Variants in NLGN1 observed in about 807,000 individuals in gnomAD.
NLGN1 encodes the protein neuroligin 1, also known as neuroligin-1.
A neutral mutation model predicts 65.5 loss-of-function variants in NLGN1; 12 were observed. The ratio of observed to expected loss-of-function variants is 0.18; its 90% CI spans 0.12 to 0.30. The LOEUF (loss-of-function observed/expected upper bound fraction) is 0.30. NLGN1 is among the 10% of genes least tolerant of loss of function. The pLI, the probability that NLGN1 is intolerant of heterozygous loss-of-function variation, is 1.00. For missense variants in NLGN1, 750 were observed against 1,007.1 expected (o/e 0.74, Z 3.46); for synonymous variants, 350 against 359.5 (o/e 0.97, Z 0.30).
At chr3:173,590,938 A>C (rs1380534651) in intron 2 of NLGN1, among the ~76,000 whole-genome samples, 1 of 152,172 alleles carries the variant, frequency 6.6e-6, no homozygotes, top group Non-Finnish European at 1.5e-5. Context: ...CTGAAGGTAC[A>C]TTAGAGCTAT....
chr3:173,410,766 T>C (rs867176633), intron 1 of NLGN1, among the ~76,000 whole-genome samples: 22 of 152,236 alleles, frequency 1.4e-4, no homozygotes, highest in Admixed American at 1.3e-4. Flanking sequence ...ATACATAAAG[T>C]ATGCCACTTC....
At chr3:174,273,344 T>C (rs1204414123) in intron 4 of NLGN1, among the ~76,000 whole-genome samples, 1 of 151,676 alleles carries the variant, frequency 6.6e-6, no homozygotes, top group African/African-American at 2.4e-5. Flanking sequence ...AGTTTTTCTA[T>C]CTAATGTACA....
intron 4 of NLGN1, among the ~76,000 whole-genome samples, chr3:174,086,002 A>G (rs1271656316): frequency 2.0e-5 from 3 of 152,016 alleles, no homozygotes; most frequent in Non-Finnish European, 2.9e-5. Context: ...AAATTAACAA[A>G]TTTTTGGATA....
At chr3:173,612,554 A>G (rs955391351) in intron 3 of NLGN1, among the ~76,000 whole-genome samples, 1 of 151,960 alleles carries the variant, frequency 6.6e-6, no homozygotes, top group African/African-American at 2.4e-5. Context: ...CTGTTGTCAC[A>G]TAGCTTTCTT....
At position 173,966,761 on chromosome 3, in the gene NLGN1, T is replaced by C. The variant is rs113574505; in HGVS notation, c.646+158929T>C. 5.0e-3 allele frequency among the ~76,000 whole-genome samples: 765 copies of C among 152,290 alleles called. 3 individuals carry two copies. The highest frequency in any genetic ancestry group is 0.014 in the Middle Eastern group (4 of 294). ...AAATAGACAAAATTTTTTCTTAAAA[T>C]AGCATCATTGTAGTTCATTGCACTC... On this transcript the variant is annotated intron_variant, in intron 4 of 6. Transcript: ENST00000457714.
At chr3:173,734,718 G>GT (rs1211969745) in intron 3 of NLGN1, among the ~76,000 whole-genome samples, 1 of 151,834 alleles carries the variant, frequency 6.6e-6, no homozygotes, top group Non-Finnish European at 1.5e-5. Context: ...TAATTCACTA[G>GT]TAACAAGCAA....
chr3:174,159,627 C>T (rs1726123622), intron 4 of NLGN1, among the ~76,000 whole-genome samples: 1 of 151,456 alleles, frequency 6.6e-6, no homozygotes, highest in Admixed American at 6.6e-5. Flanking sequence ...GAAGATCACA[C>T]AGAAGAGAAA....
chr3:173,668,799 T>G (rs911991147), intron 3 of NLGN1, among the ~76,000 whole-genome samples: 1 of 151,976 alleles, frequency 6.6e-6, no homozygotes, highest in East Asian at 1.9e-4. Flanking sequence ...AATTTTTGTA[T>G]TTTTAGTAGA....
chr3:173,800,702 C>T (rs1005348892), intron 3 of NLGN1, among the ~76,000 whole-genome samples: 1 of 151,462 alleles, frequency 6.6e-6, no homozygotes, highest in Non-Finnish European at 1.5e-5. Context: ...TCTCTGTGCC[C>T]ATTTTGCATG....
chr3:174,241,595 T>C (rs1742826790), intron 4 of NLGN1, among the ~76,000 whole-genome samples: 1 of 151,860 alleles, frequency 6.6e-6, no homozygotes, highest in South Asian at 2.1e-4. Context: ...ATTACAATCT[T>C]TTGGGCACAC....
intron 4 of NLGN1, among the ~76,000 whole-genome samples, chr3:174,028,478 G>T (rs1490464170): frequency 6.6e-6 from 1 of 152,206 alleles, no homozygotes; most frequent in African/African-American, 2.4e-5. Context: ...CTGCCCTAGA[G>T]AGTTGTGGAA....
At chr3:173,560,471 C>G (rs1742533826) in intron 2 of NLGN1, among the ~76,000 whole-genome samples, 1 of 151,748 alleles carries the variant, frequency 6.6e-6, no homozygotes, top group South Asian at 2.1e-4. Context: ...GGACTAATTT[C>G]TTATTTACTC....
At position 173,522,377 on chromosome 3, in the gene NLGN1, G is replaced by C. The variant is rs116677620; in HGVS notation, c.-320-81902G>C. ...CCACTGATGGACACTTAGATACTTA[G>C]ATTGGATCACTTTACTCTTGCAAAT... is the stretch of plus-strand genomic sequence containing the variant. On this transcript the variant is annotated intron_variant, in intron 2 of 6. Transcript: ENST00000457714. Among the ~76,000 whole-genome samples, 1,015 of 152,250 alleles carry C rather than the reference G, an allele frequency of 6.7e-3. 17 individuals are homozygous for C. The highest frequency in any genetic ancestry group is 0.023 in the African/African-American group (961 of 41,544).
In NLGN1 at chr3:173,500,305, G is replaced by A. The variant is rs554972945; in HGVS notation, c.-321+65227G>A. Among the ~76,000 whole-genome samples, 17 of 152,162 alleles carry A rather than the reference G, an allele frequency of 1.1e-4. 1 individual carries two copies. In the Middle Eastern group the frequency reaches 0.024, roughly 213 times the overall value. On this transcript the variant is annotated intron_variant, in intron 2 of 6. Coordinates refer to ENST00000457714, the Ensembl canonical transcript of NLGN1. ...AAAGGCCTTTTCTGCATCTATTGAG[G>A]TAATCATGTGGTTTTTGTCTTTGGT...
chr3:174,152,981 G>A (rs1216172056), intron 4 of NLGN1, among the ~76,000 whole-genome samples: 1 of 152,016 alleles, frequency 6.6e-6, no homozygotes, highest in South Asian at 2.1e-4. Flanking sequence ...TTCCTTGCCT[G>A]TCTCTTCTAA....
intron 4 of NLGN1, among the ~76,000 whole-genome samples, chr3:174,155,001 T>TA (rs1561175507): frequency 0.016 from 1,217 of 76,068 alleles, 24 homozygotes; most frequent in African/African-American, 0.089. Flanking sequence ...ATTATATATA[T>TA]TTATATATTG....
rs1728502157 is a variant in NLGN1 at position 174,024,702 on chromosome 3, T to C, written c.646+216870T>C. Among the ~76,000 whole-genome samples the C allele has an allele frequency of 2.6e-5, 4 of 152,276 alleles. No homozygotes were observed. In the South Asian group the frequency reaches 8.3e-4, roughly 32 times the overall value. On this transcript the variant is annotated intron_variant, in intron 4 of 6. Coordinates refer to ENST00000457714, the Ensembl canonical transcript of NLGN1. ...AAGCATTGAATATTCAGTTAAAAAG[T>C]CAGATTGCCTGAAAGGGGCACCATG...
intron 2 of NLGN1, among the ~76,000 whole-genome samples, chr3:173,504,535 A>G (rs1287097538): frequency 5.4e-4 from 82 of 152,018 alleles, no homozygotes; most frequent in Admixed American, 5.4e-3. Flanking sequence ...TATTATGGAG[A>G]CCCTTGAAAT....
intron 3 of NLGN1, among the ~76,000 whole-genome samples, chr3:173,632,420 T>C (rs1299957248): frequency 6.6e-6 from 1 of 152,196 alleles, no homozygotes; most frequent in Non-Finnish European, 1.5e-5. Context: ...TCACAAATTT[T>C]GGTGCATCCA....
Sources: gnomAD v4.1 joint callset for allele counts (sites outside exome capture counted in the v4.1 genomes callset) on GRCh38, gnomAD v4.1.1 for gene constraint, MANE v1.5 for transcripts, NCBI Gene and HGNC (gene_info 2026-07-23, HGNC 2026-07-21) for gene names.